Variants in KCNQ5 observed in about 807,000 individuals in gnomAD.
KCNQ5 encodes potassium voltage-gated channel subfamily Q member 5.
KCNQ5 carries 30 observed loss-of-function variants against 98.2 expected under a neutral mutation model. The ratio of observed to expected loss-of-function variants is 0.31; its 90% CI spans 0.23 to 0.41. The LOEUF (loss-of-function observed/expected upper bound fraction) is 0.41. Among genes scored for constraint, KCNQ5 ranks in the 10% least tolerant of loss-of-function variants. The pLI, the probability that KCNQ5 is intolerant of heterozygous loss-of-function variation, is 1.00. For synonymous variants in KCNQ5, 458 were observed against 449.4 expected, an observed-to-expected ratio of 1.02 and a Z score of -0.24; for missense variants, 835 against 1,182.5, an observed-to-expected ratio of 0.71 and a Z score of 4.31.
At chr6:72,866,323 C>T (rs975862788) in intron 1 of KCNQ5, among the ~76,000 whole-genome samples, 1 of 142,080 alleles carries the variant, frequency 7.0e-6, no homozygotes, top group Non-Finnish European at 1.5e-5. Context: ...GGTGTGATCT[C>T]GGCCCACTGC....
intron 7 of KCNQ5, among the ~76,000 whole-genome samples, chr6:73,115,437 TCAC>T (rs1775451286): frequency 6.6e-6 from 1 of 151,974 alleles, no homozygotes; most frequent in African/African-American, 2.4e-5. Flanking sequence ...GTAGAAGAGC[TCAC>T]CAAGTGTCCA....
At chr6:73,095,649 G>T (rs573686021) in intron 5 of KCNQ5, among the ~76,000 whole-genome samples, 14 of 152,238 alleles carry the variant, frequency 9.2e-5, no homozygotes, top group South Asian at 2.1e-4. Flanking sequence ...TGTTCCTATG[G>T]ATGTGACTTC....
At chr6:73,003,816 G>A (rs1769701044) in intron 1 of KCNQ5, 92 bp from the exon 2 acceptor site, 2 of 794,426 alleles carry the variant, frequency 2.5e-6, no homozygotes, top group Non-Finnish European at 4.2e-6. Context: ...CTAATTTAAT[G>A]GGCCTGGTGC....
intron 1 of KCNQ5, among the ~76,000 whole-genome samples, chr6:72,956,171 T>C (rs1173958720): frequency 1.3e-5 from 2 of 152,234 alleles, no homozygotes; most frequent in East Asian, 3.8e-4. Context: ...AAGTTTATCA[T>C]TTCATGCAAT....
chr6:73,157,125 C>G (rs546881532), intron 10 of KCNQ5, among the ~76,000 whole-genome samples: 2 of 152,228 alleles, frequency 1.3e-5, no homozygotes, highest in African/African-American at 4.8e-5. Context: ...TATACACAAG[C>G]GTAAGCGTCT....
chr6:72,786,664 G>T (rs191118643), intron 1 of KCNQ5, among the ~76,000 whole-genome samples: 8 of 152,026 alleles, frequency 5.3e-5, no homozygotes, highest in African/African-American at 1.2e-4. Flanking sequence ...TATTTACTTC[G>T]CAATACTGGC....
chr6:73,094,687 T>C lies in KCNQ5; in HGVS notation c.919-10570T>C, dbSNP rs74993345. Among the ~76,000 whole-genome samples the C allele has an allele frequency of 6.8e-3, 1,032 of 152,282 alleles. 9 individuals are homozygous for C. The highest frequency in any genetic ancestry group is 0.023 in the African/African-American group (973 of 41,554). ...TCTTTCCTTCATATATGAAGGATAG[T>C]TTTGTTGGATACAAAATTCTTGGCT... On this transcript the variant is annotated intron_variant, in intron 5 of 13. Transcript: ENST00000370398.
At position 73,124,589 on chromosome 6, in the gene KCNQ5, A is replaced by C. The variant is rs6923089; in HGVS notation, c.1247+77A>C. 1.9e-3 allele frequency: 2,445 copies of C among 1,256,478 alleles called. 48 individuals are homozygous for C. The African/African-American group carries it at 0.033, about 17-fold the overall frequency. The allele number at this position is 1,256,478 out of a possible 1,614,324, so 77.8% of individuals were successfully genotyped here. On this transcript the variant is annotated intron_variant, in intron 9 of 13. Coordinates refer to ENST00000370398, the MANE Select transcript of KCNQ5 (RefSeq NM_019842.4). ...AGGTGTTTTAAATGTGTCTCATGTG[A>C]GTAAAATCGATCAACAAATACAAGA... is the stretch of plus-strand genomic sequence containing the variant.
At chr6:73,164,739 T>C (rs944374621) in intron 10 of KCNQ5, among the ~76,000 whole-genome samples, 1 of 152,356 alleles carries the variant, frequency 6.6e-6, no homozygotes, top group Middle Eastern at 3.4e-3. Flanking sequence ...TTATGCTATT[T>C]CATTATTTGG....
chr6:72,854,821 C>T (rs1048330412), intron 1 of KCNQ5, among the ~76,000 whole-genome samples: 9 of 148,790 alleles, frequency 6.0e-5, no homozygotes, highest in Non-Finnish European at 1.0e-4. Context: ...AACTTTATAA[C>T]GCTGGTTGAG....
intron 2 of KCNQ5, among the ~76,000 whole-genome samples, chr6:73,011,199 T>G (rs528875718): frequency 4.7e-4 from 71 of 152,222 alleles, no homozygotes; most frequent in African/African-American, 1.5e-3. Flanking sequence ...TAATCAATCA[T>G]GATGTAGTTT....
At position 72,956,108 on chromosome 6, in the gene KCNQ5, G is replaced by A. The variant is rs558128656; in HGVS notation, c.399-47800G>A. ...CTAATAAATTCTGAGCACATGCTTC[G>A]TGTTGGATACATTTAGTGCTTTACA... On this transcript the variant is annotated intron_variant, in intron 1 of 13. Transcript: ENST00000370398. Among the ~76,000 whole-genome samples, 8 of 152,276 alleles carry A rather than the reference G, an allele frequency of 5.3e-5. 1 individual carries two copies. Among genetic ancestry groups the A allele is most frequent in the African/African-American group, 1.9e-4 (8 of 41,548 alleles).
chr6:72,791,662 CTT>C (rs1774056856), intron 1 of KCNQ5, among the ~76,000 whole-genome samples: 1 of 152,150 alleles, frequency 6.6e-6, no homozygotes, highest in South Asian at 2.1e-4. Context: ...TCACAGAATA[CTT>C]GAGACTGGGT....
chr6:72,882,860 G>A (rs1490665534), intron 1 of KCNQ5, among the ~76,000 whole-genome samples: 1 of 152,126 alleles, frequency 6.6e-6, no homozygotes, highest in Non-Finnish European at 1.5e-5. Flanking sequence ...ATGGAAGTTT[G>A]ACAAGAGTGT....
At chr6:73,039,410 CAG>C (rs1301311518) in intron 2 of KCNQ5, among the ~76,000 whole-genome samples, 1 of 151,962 alleles carries the variant, frequency 6.6e-6, no homozygotes, top group East Asian at 1.9e-4. Flanking sequence ...GGTAGGTACT[CAG>C]ATTATTAATA....
chr6:72,870,208 A>G (rs774626143), intron 1 of KCNQ5, among the ~76,000 whole-genome samples: 4 of 152,098 alleles, frequency 2.6e-5, no homozygotes, highest in Non-Finnish European at 5.9e-5. Context: ...AGGATAAATA[A>G]CCCTGCTCCT....
At chr6:72,826,002 A>T (rs1171204656) in intron 1 of KCNQ5, among the ~76,000 whole-genome samples, 1 of 152,120 alleles carries the variant, frequency 6.6e-6, no homozygotes, top group East Asian at 1.9e-4. Flanking sequence ...TTGTGCCTGC[A>T]AGCAATCACA....
At chr6:72,847,060 T>C (rs1777052350) in intron 1 of KCNQ5, among the ~76,000 whole-genome samples, 2 of 152,294 alleles carry the variant, frequency 1.3e-5, no homozygotes, top group South Asian at 4.1e-4. Context: ...TAGTTACTGA[T>C]GCTTTTTTTA....
rs1765783669 is a variant in KCNQ5, at chr6:73,196,114, A to C, written c.*700A>C. ...GCCAGTGAGGCAAATAGACTATCTG[A>C]CATATTTGACTTTATGAAAACATAT... is the stretch of plus-strand genomic sequence containing the variant. On this transcript the variant is annotated 3_prime_UTR_variant, in exon 14 of 14. Coordinates refer to ENST00000370398, the MANE Select transcript of KCNQ5 (RefSeq NM_019842.4). 1 of 152,658 alleles carries C rather than the reference A, an allele frequency of 6.6e-6. No individual in the cohort carries two copies. The highest frequency in any genetic ancestry group is 2.4e-5 in the African/African-American group (1 of 41,468). 9.5% of individuals were successfully genotyped at this position (152,658 alleles called of 1,614,324 possible). A position where few individuals can be genotyped will look rare whatever the true frequency, so the allele number is the denominator to read the frequency against.
Sources: allele counts gnomAD v4.1 joint callset (sites outside exome capture counted in the v4.1 genomes callset), GRCh38; gene constraint gnomAD v4.1.1; transcripts MANE v1.5; gene names NCBI Gene and HGNC (gene_info 2026-07-23, HGNC 2026-07-21).